TAFA4: variants seen among roughly 807,000 people sequenced by gnomAD.
TAFA4 encodes TAFA chemokine like family member 4.
In TAFA4, 20 loss-of-function variants were observed where a neutral mutation model predicts 21.1. The ratio of observed to expected loss-of-function variants is 0.95; its 90% CI spans 0.67 to 1.38. The LOEUF (loss-of-function observed/expected upper bound fraction) is 1.38. TAFA4 is among the 40% of genes most tolerant of loss of function. TAFA4 has a pLI of 0.00. For missense variants in TAFA4, 211 were observed against 180.9 expected (o/e 1.17, Z -0.95); for synonymous variants, 71 against 67.4 (o/e 1.05, Z -0.26).
At chr3:68,854,139 C>T (rs1705014125) in intron 3 of TAFA4, among the ~76,000 whole-genome samples, 1 of 151,382 alleles carries the variant, frequency 6.6e-6, no homozygotes, top group Admixed American at 6.6e-5. Flanking sequence ...AGAGGAGACA[C>T]CTAAAGAGAT....
chr3:68,849,613 G>C (rs1704894204), intron 3 of TAFA4, among the ~76,000 whole-genome samples: 1 of 152,158 alleles, frequency 6.6e-6, no homozygotes, highest in Non-Finnish European at 1.5e-5. Flanking sequence ...CTATCACCAA[G>C]CAACCCAGTC....
At chr3:68,812,744 C>T (rs913999480) in intron 3 of TAFA4, among the ~76,000 whole-genome samples, 6 of 152,146 alleles carry the variant, frequency 3.9e-5, no homozygotes, top group African/African-American at 1.4e-4. Context: ...TAACACCCGG[C>T]TGTCAACATT....
At chr3:68,753,762 G>A (rs1422360838) in intron 3 of TAFA4, among the ~76,000 whole-genome samples, 1 of 152,192 alleles carries the variant, frequency 6.6e-6, no homozygotes, top group Non-Finnish European at 1.5e-5. Flanking sequence ...TGAAGATGGA[G>A]GGGCCACATG....
chr3:68,880,736 G>A lies in TAFA4; in HGVS notation c.124C>T (p.His42Tyr), dbSNP rs201443602. ...ATGAGCTTAAAGGGCTTACCTGCATGTCCCCGGAGGTGCTGGCTTGAGGCG... is the reference window on the plus strand; with the variant it reads ...ATGAGCTTAAAGGGCTTACCTGCATATCCCCGGAGGTGCTGGCTTGAGGCG... ...MSASSQHLRG[H>Y]AGHHQIKQGT... Residue 42 changes from histidine (H) to tyrosine (Y), a missense_variant, in exon 3 of 6, where the codon CAT becomes TAT. Physicochemically the swap from His to Tyr is moderately conservative, Grantham distance 83. Transcript: ENST00000295569. 8.1e-5 allele frequency: 130 copies of A among 1,613,774 alleles called. 1 individual carries two copies. Among genetic ancestry groups the A allele is most frequent in the Non-Finnish European group, 1.0e-4 (123 of 1,179,862 alleles).
At chr3:68,912,024 A>AT (rs2089965592) in intron 1 of TAFA4, among the ~76,000 whole-genome samples, 1 of 151,982 alleles carries the variant, frequency 6.6e-6, no homozygotes, top group Non-Finnish European at 1.5e-5. Flanking sequence ...ATCCTTCTCC[A>AT]TTCTTTGGGT....
intron 3 of TAFA4, among the ~76,000 whole-genome samples, chr3:68,853,926 G>A (rs1297705250): frequency 6.6e-6 from 1 of 152,124 alleles, no homozygotes; most frequent in Non-Finnish European, 1.5e-5. Flanking sequence ...CTCATTCAGT[G>A]ATTCAGCAAA....
At chr3:68,778,697 C>T (rs1703095300) in intron 3 of TAFA4, among the ~76,000 whole-genome samples, 1 of 152,212 alleles carries the variant, frequency 6.6e-6, no homozygotes, top group Admixed American at 6.5e-5. Flanking sequence ...CTCCTCCTTG[C>T]CTTCTGCCAT....
At chr3:68,875,476 C>T (rs907990046) in intron 3 of TAFA4, among the ~76,000 whole-genome samples, 1 of 152,092 alleles carries the variant, frequency 6.6e-6, no homozygotes, top group Admixed American at 6.5e-5. Flanking sequence ...TAAACCATTC[C>T]ACAGTCTTTT....
intron 3 of TAFA4, among the ~76,000 whole-genome samples, chr3:68,843,686 G>A (rs559128901): frequency 9.9e-5 from 15 of 152,266 alleles, no homozygotes; most frequent in Middle Eastern, 3.4e-3. Context: ...TTTGAGATAC[G>A]GTCCACCAAT....
intron 3 of TAFA4, among the ~76,000 whole-genome samples, chr3:68,801,601 G>A (rs943171710): frequency 3.3e-5 from 5 of 152,238 alleles, no homozygotes; most frequent in South Asian, 2.1e-4. Context: ...CACATCTATC[G>A]TGGCAATTCA....
intron 3 of TAFA4, among the ~76,000 whole-genome samples, chr3:68,793,845 C>T (rs189531339): frequency 2.0e-5 from 3 of 152,276 alleles, no homozygotes; most frequent in Admixed American, 6.5e-5. Context: ...ATCCCTTTAC[C>T]TGCCGGTCTA....
intron 1 of TAFA4, among the ~76,000 whole-genome samples, chr3:68,892,926 C>T (rs952598946): frequency 6.6e-6 from 1 of 152,108 alleles, no homozygotes; most frequent in South Asian, 2.1e-4. Context: ...AAATAAAATG[C>T]GCTCACCAAA....
chr3:68,785,377 G>T (rs116024009), intron 3 of TAFA4, among the ~76,000 whole-genome samples: 2 of 152,300 alleles, frequency 1.3e-5, no homozygotes, highest in East Asian at 3.9e-4. Flanking sequence ...CGCTCTCGTC[G>T]GGGAGGCTCA....
At chr3:68,776,088 AGAGGAATG>A (rs1341743680) in intron 3 of TAFA4, among the ~76,000 whole-genome samples, 5 of 152,320 alleles carry the variant, frequency 3.3e-5, no homozygotes, top group Non-Finnish European at 7.3e-5. Context: ...GCAGAGTAAC[AGAGGAATG>A]GAGGAATGGA....
At chr3:68,910,697 G>T (rs2089952943) in intron 1 of TAFA4, among the ~76,000 whole-genome samples, 1 of 152,166 alleles carries the variant, frequency 6.6e-6, no homozygotes. Context: ...GACTAGCTCA[G>T]CAATTCTCAA....
intron 3 of TAFA4, among the ~76,000 whole-genome samples, chr3:68,792,260 A>G (rs933826778): frequency 3.3e-5 from 5 of 152,288 alleles, no homozygotes; most frequent in Admixed American, 2.6e-4. Flanking sequence ...GAAATCATCA[A>G]TTATTAATCT....
chr3:68,757,795 C>G (rs1038811845), intron 3 of TAFA4, among the ~76,000 whole-genome samples: 1 of 152,122 alleles, frequency 6.6e-6, no homozygotes, highest in South Asian at 2.1e-4. Context: ...CAGGAGGTGA[C>G]ATAACTAATA....
intron 1 of TAFA4, among the ~76,000 whole-genome samples, chr3:68,893,852 G>C (rs1575661428): frequency 6.6e-6 from 1 of 152,070 alleles, no homozygotes; most frequent in East Asian, 1.9e-4. Flanking sequence ...ACAAAACAAG[G>C]AAATATTTTG....
intron 3 of TAFA4, among the ~76,000 whole-genome samples, chr3:68,790,867 C>CTTCCTCAACA (rs1703348565): frequency 6.6e-6 from 1 of 152,210 alleles, no homozygotes; most frequent in Non-Finnish European, 1.5e-5. Context: ...CTCTGGCCCA[C>CTTCCTCAACA]TTCCTCAACA....
Sources: allele counts gnomAD v4.1 joint callset (sites outside exome capture counted in the v4.1 genomes callset), GRCh38; gene constraint gnomAD v4.1.1; transcripts MANE v1.5; gene names NCBI Gene and HGNC (gene_info 2026-07-23, HGNC 2026-07-21).